Variants in ETS1 observed in about 807,000 individuals in gnomAD.
ETS1 encodes the protein ETS proto-oncogene 1, transcription factor.
Under a neutral mutation model 58.6 loss-of-function variants are expected in ETS1, and 15 were observed. The ratio of observed to expected loss-of-function variants is 0.26; its 90% confidence interval spans 0.17 to 0.39. ETS1 has a LOEUF of 0.39. Ranked by LOEUF, ETS1 falls within the 10% of genes least tolerant of loss-of-function variation. The pLI is 1.00. For missense variants in ETS1, 417 were observed against 610.5 expected, an observed-to-expected ratio of 0.68 and a Z score of 3.34; for synonymous variants, 214 against 218.2, an observed-to-expected ratio of 0.98 and a Z score of 0.17.
rs78799419 is a variant in ETS1, at chr11:128,557,371, A to G, written c.70-936T>C. ...AAGTGAAAGTAATAATACTTACTTCATGAAGTAGGACGATTGAATGAAATA... is the reference window on the plus strand; with the variant it reads ...AAGTGAAAGTAATAATACTTACTTCGTGAAGTAGGACGATTGAATGAAATA... On this transcript the variant is annotated intron_variant, in intron 2 of 9. Coordinates refer to ENST00000392668, the MANE Select transcript of ETS1 (RefSeq NM_001143820.2). 1.3e-3 allele frequency among the ~76,000 whole-genome samples: 199 copies of G among 152,392 alleles called. 1 individual carries two copies. The highest frequency in any genetic ancestry group is 4.5e-3 in the African/African-American group (189 of 41,596).
rs1487598019 is a variant in ETS1 at position 128,462,481 on chromosome 11, G to A, written c.1338C>T (p.Ile446=). Residue 446 remains isoleucine, a synonymous_variant, in exon 10 of 10, where the codon ATC becomes ATT. Coordinates refer to ENST00000392668, the MANE Select transcript of ETS1 (RefSeq NM_001143820.2). ...GLRYYYDKNI[I]HKTAGKRYVY... is the part of the protein sequence containing the mutation. ...CGTAGCGTTTCCCCGCTGTCTTGTG[G>A]ATGATGTTTTTGTCGTAATAGTAGC... The A allele has an allele frequency of 2.4e-5, 38 of 1,614,038 alleles. No individual in the cohort carries two copies. In the East Asian group the frequency reaches 8.5e-4, roughly 36 times the overall value.
chr11:128,499,507 G>C (rs758579531), intron 3 of ETS1, among the ~76,000 whole-genome samples: 4 of 152,198 alleles, frequency 2.6e-5, no homozygotes, highest in Non-Finnish European at 5.9e-5. Context: ...TATCAAACCA[G>C]TAAAGTGATA....
chr11:128,559,108 G>T (rs952652054), intron 2 of ETS1, among the ~76,000 whole-genome samples: 1 of 152,192 alleles, frequency 6.6e-6, no homozygotes, highest in Non-Finnish European at 1.5e-5. Flanking sequence ...TAGGTAGTTG[G>T]TTCTTTTAAG....
At position 128,587,545 on chromosome 11, in the gene ETS1, G is replaced by A. The variant is rs1865054290; in HGVS notation, c.-72C>T. 1 of 152,388 alleles carries A rather than the reference G, an allele frequency of 6.6e-6. No homozygotes were observed. The highest frequency in any genetic ancestry group is 1.5e-5 in the Non-Finnish European group (1 of 68,060). The allele number at this position is 152,388 out of a possible 1,614,324, so 9.4% of individuals were successfully genotyped here. A position where few individuals can be genotyped will look rare whatever the true frequency, so the allele number is the denominator to read the frequency against. Reference sequence around the variant, plus strand: ...GAGTGAGCTTCCCTCAAAGTCTGTGGTCTCTTTCCAACTACCTGCGGGAAT... The same window carrying A: ...GAGTGAGCTTCCCTCAAAGTCTGTGATCTCTTTCCAACTACCTGCGGGAAT... On this transcript the variant is annotated 5_prime_UTR_variant, in exon 1 of 10. Transcript: ENST00000392668.
chr11:128,522,174 C>G (rs1179701640), intron 3 of ETS1: 3 of 1,274,990 alleles, frequency 2.4e-6, no homozygotes, highest in Non-Finnish European at 2.0e-6. Flanking sequence ...GCCCGGCACT[C>G]CAGGGGAAGT....
chr11:128,563,558 C>G (rs1396231620), intron 2 of ETS1, among the ~76,000 whole-genome samples: 1 of 152,212 alleles, frequency 6.6e-6, no homozygotes, highest in Non-Finnish European at 1.5e-5. Flanking sequence ...AACTCTGTGT[C>G]ATTTTTGCTG....
At chr11:128,520,174 A>T (rs7120822) in intron 3 of ETS1, among the ~76,000 whole-genome samples, 27,292 of 152,252 alleles carry the variant, frequency 0.18, 2,789 homozygotes, top group South Asian at 0.24. Context: ...TTACTTGCCC[A>T]GAGCTTATTT....
chr11:128,526,174 T>C (rs1863797945), intron 3 of ETS1: 1 of 149,146 alleles, frequency 6.7e-6, no homozygotes, highest in African/African-American at 2.5e-5. Context: ...TGGGGTGGGG[T>C]TGGGGGAGAG....
At chr11:128,545,518 A>G (rs1189487564) in intron 3 of ETS1, among the ~76,000 whole-genome samples, 1 of 152,220 alleles carries the variant, frequency 6.6e-6, no homozygotes, top group African/African-American at 2.4e-5. Flanking sequence ...TGGGAATAGT[A>G]TCACCCTCAC....
chr11:128,494,304 T>C (rs1235300663), intron 3 of ETS1, among the ~76,000 whole-genome samples: 1 of 152,242 alleles, frequency 6.6e-6, no homozygotes, highest in East Asian at 1.9e-4. Context: ...TCCTGCCCAC[T>C]GATTATTCCT....
intron 3 of ETS1, among the ~76,000 whole-genome samples, chr11:128,491,075 A>T (rs1485981123): frequency 2.6e-5 from 4 of 152,194 alleles, no homozygotes; most frequent in African/African-American, 9.7e-5. Flanking sequence ...AATGTCCTGC[A>T]TCCCTGACAA....
chr11:128,513,823 GGAAA>G (rs1381095437), intron 3 of ETS1, among the ~76,000 whole-genome samples: 2 of 152,102 alleles, frequency 1.3e-5, no homozygotes, highest in Non-Finnish European at 1.5e-5. Flanking sequence ...AGGCCAAGGT[GGAAA>G]GATTGTTTGA....
chr11:128,490,359 G>T, intron 4 of ETS1, 98 bp downstream of exon 4: 1 of 1,264,112 alleles, frequency 7.9e-7, no homozygotes, highest in Non-Finnish European at 1.1e-6. Flanking sequence ...ACTCCAATGT[G>T]GTTAGTGTAA....
intron 3 of ETS1, among the ~76,000 whole-genome samples, chr11:128,523,887 G>T (rs915238109): frequency 2.6e-5 from 4 of 151,332 alleles, no homozygotes; most frequent in Non-Finnish European, 4.4e-5. Context: ...GCTGATGAAT[G>T]AATTGTACAT....
chr11:128,495,660 T>C (rs188337527), intron 3 of ETS1, among the ~76,000 whole-genome samples: 20 of 152,318 alleles, frequency 1.3e-4, no homozygotes, highest in Admixed American at 2.6e-4. Context: ...AACCTTCTGG[T>C]CCACATGGAG....
intron 3 of ETS1, among the ~76,000 whole-genome samples, chr11:128,545,190 A>G (rs1291199604): frequency 6.6e-6 from 1 of 152,208 alleles, no homozygotes; most frequent in East Asian, 1.9e-4. Flanking sequence ...TGGGACTCCA[A>G]GAAACCACAG....
chr11:128,522,918 C>A (rs1185929744), intron 3 of ETS1, among the ~76,000 whole-genome samples: 1 of 152,138 alleles, frequency 6.6e-6, no homozygotes, highest in Non-Finnish European at 1.5e-5. Context: ...CTGAAGGAGG[C>A]TTCAGTTTTT....
intron 2 of ETS1, among the ~76,000 whole-genome samples, chr11:128,565,142 T>A (rs991860088): frequency 2.0e-5 from 3 of 152,070 alleles, no homozygotes; most frequent in African/African-American, 7.2e-5. Context: ...TGTGATAATA[T>A]TAACAGGCGG....
rs1861895010 is a variant in ETS1, at chr11:128,461,126, C to T, written c.*1235G>A. ...ACCAATCAGAAAGCCGTACACTTCTCTCTACTGAATAACAGAGTTGGCGGT... is the reference window on the plus strand; with the variant it reads ...ACCAATCAGAAAGCCGTACACTTCTTTCTACTGAATAACAGAGTTGGCGGT... On this transcript the variant is annotated 3_prime_UTR_variant, in exon 10 of 10. Transcript: ENST00000392668. 1 of 152,736 alleles carries T rather than the reference C, an allele frequency of 6.5e-6. No homozygotes were observed. The allele number at this position is 152,736 out of a possible 1,614,324, so 9.5% of individuals were successfully genotyped here. A position where few individuals can be genotyped will look rare whatever the true frequency, so the allele number is the denominator to read the frequency against.
Sources: allele counts gnomAD v4.1 joint callset (sites outside exome capture counted in the v4.1 genomes callset), GRCh38; gene constraint gnomAD v4.1.1; transcripts MANE v1.5; gene names NCBI Gene and HGNC (gene_info 2026-07-23, HGNC 2026-07-21).